Variants in PDE8B observed in about 807,000 individuals in gnomAD.
PDE8B encodes phosphodiesterase 8B, also known as high affinity cAMP-specific and IBMX-insensitive 3',5'-cyclic phosphodiesterase 8B.
Under a neutral mutation model 101.3 loss-of-function variants are expected in PDE8B, and 26 were observed. That is an observed-to-expected ratio of 0.26 (90% confidence interval 0.19 to 0.36). The LOEUF (loss-of-function observed/expected upper bound fraction) is 0.36, where lower values mean the gene tolerates loss of function less well. Ranked by LOEUF, PDE8B falls within the 10% of genes least tolerant of loss-of-function variation. The pLI, the probability that PDE8B is intolerant of heterozygous loss-of-function variation, is 1.00. For synonymous variants in PDE8B, 424 were observed against 429.3 expected, an observed-to-expected ratio of 0.99 and a Z score of 0.15; for missense variants, 810 against 1,163.1, an observed-to-expected ratio of 0.70 and a Z score of 4.42.
chr5:77,124,367 A>G, the PDE8B span, among the ~76,000 whole-genome samples: 1 of 152,068 alleles, frequency 6.6e-6, no homozygotes, highest in Non-Finnish European at 1.5e-5. Flanking sequence ...AGGCGGGTGG[A>G]TTGCTTGAGC....
At chr5:77,409,099 G>T in intron 14 of PDE8B, 42 bp downstream of exon 14, 2 of 1,568,748 alleles carry the variant, frequency 1.3e-6, no homozygotes, top group East Asian at 2.2e-5. Flanking sequence ...AGAGGTATCC[G>T]GGGCCTCTAG....
At chr5:77,404,326 T>G (rs949086025) in intron 11 of PDE8B, among the ~76,000 whole-genome samples, 2 of 151,930 alleles carry the variant, frequency 1.3e-5, no homozygotes, top group Non-Finnish European at 1.5e-5. Context: ...GGTTTCTCCA[T>G]GTTGGTCAGG....
At chr5:77,281,345 C>G (rs1764955362) in intron 1 of PDE8B, among the ~76,000 whole-genome samples, 1 of 152,228 alleles carries the variant, frequency 6.6e-6, no homozygotes, top group African/African-American at 2.4e-5. Flanking sequence ...GTTGCTGCAA[C>G]AAATTGCCGC....
At chr5:77,197,109 C>CTTTTTTTTTT in the PDE8B span, among the ~76,000 whole-genome samples, 1 of 94,668 alleles carries the variant, frequency 1.1e-5, no homozygotes, top group Non-Finnish European at 2.1e-5. Flanking sequence ...TTAAAAAAAA[C>CTTTTTTTTTT]TTTTTTTTTT....
intron 1 of PDE8B, among the ~76,000 whole-genome samples, chr5:77,277,837 G>A (rs865871089): frequency 2.0e-5 from 3 of 152,244 alleles, no homozygotes; most frequent in South Asian, 2.1e-4. Context: ...TCCATTAACC[G>A]CTAAAACTTT....
At chr5:77,221,568 C>A (rs541615066) in intron 1 of PDE8B, among the ~76,000 whole-genome samples, 1 of 152,114 alleles carries the variant, frequency 6.6e-6, no homozygotes, top group Non-Finnish European at 1.5e-5. Flanking sequence ...CTCTTATTAA[C>A]GATCATTGCT....
At chr5:77,317,419 A>G (rs1561517524) in intron 2 of PDE8B, among the ~76,000 whole-genome samples, 1 of 152,178 alleles carries the variant, frequency 6.6e-6, no homozygotes, top group African/African-American at 2.4e-5. Flanking sequence ...TTCTGAGCTC[A>G]TCAGGGGAAA....
At chr5:77,393,189 T>C (rs1214609784) in intron 10 of PDE8B, among the ~76,000 whole-genome samples, 5 of 151,614 alleles carry the variant, frequency 3.3e-5, no homozygotes, top group Non-Finnish European at 7.4e-5. Context: ...AGCTCAGGAG[T>C]TGGAGACTAG....
the PDE8B span, chr5:77,146,252 A>G: frequency 6.6e-6 from 1 of 152,188 alleles, no homozygotes; most frequent in Non-Finnish European, 1.5e-5. Flanking sequence ...TAGTAAATGT[A>G]TTTTGTGTGT....
chr5:77,168,178 A>G, the PDE8B span, among the ~76,000 whole-genome samples: 82 of 152,318 alleles, frequency 5.4e-4, no homozygotes, highest in Non-Finnish European at 1.0e-3. Flanking sequence ...GTCTATCTCC[A>G]TCCTGCCCCT....
chr5:77,189,479 T>C, the PDE8B span, among the ~76,000 whole-genome samples: 2 of 151,912 alleles, frequency 1.3e-5, no homozygotes, highest in Non-Finnish European at 2.9e-5. Flanking sequence ...CCATAGTAAA[T>C]AGCATGGTCA....
the PDE8B span, among the ~76,000 whole-genome samples, chr5:77,095,177 G>C: frequency 6.6e-6 from 1 of 150,864 alleles, no homozygotes; most frequent in South Asian, 2.1e-4. Context: ...GTTTTTTTTT[G>C]CTAAAGCTTT....
At chr5:77,092,121 C>T in the PDE8B span, among the ~76,000 whole-genome samples, 4 of 152,132 alleles carry the variant, frequency 2.6e-5, no homozygotes, top group African/African-American at 4.8e-5. Context: ...ATTTGGATTC[C>T]TGGCATTATA....
chr5:77,098,074 C>T, the PDE8B span, among the ~76,000 whole-genome samples: 1 of 151,904 alleles, frequency 6.6e-6, no homozygotes, highest in Admixed American at 6.6e-5. Flanking sequence ...TGAGGGCCGA[C>T]TGCAGGAAGC....
chr5:77,405,497 C>T (rs1793237454), intron 12 of PDE8B, among the ~76,000 whole-genome samples: 1 of 152,070 alleles, frequency 6.6e-6, no homozygotes, highest in Non-Finnish European at 1.5e-5. Context: ...CCCTGGTACT[C>T]GGGGCTATAG....
intron 1 of PDE8B, among the ~76,000 whole-genome samples, chr5:77,272,618 G>T (rs1481324343): frequency 2.6e-5 from 4 of 152,156 alleles, no homozygotes; most frequent in African/African-American, 4.8e-5. Flanking sequence ...ACCCTGGAAG[G>T]CTGTGGCTGG....
At chr5:77,180,558 C>T in the PDE8B span, 1 of 895,672 alleles carries the variant, frequency 1.1e-6, no homozygotes, top group Non-Finnish European at 1.3e-6. Flanking sequence ...GCCGCTGGCA[C>T]AAGCCCAGAG....
chr5:77,376,304 G>A (rs746886774), intron 10 of PDE8B, among the ~76,000 whole-genome samples: 1 of 152,102 alleles, frequency 6.6e-6, no homozygotes, highest in African/African-American at 2.4e-5. Context: ...TTAACTGCTC[G>A]ACCGCATGGC....
chr5:77,331,405 G>A lies in PDE8B; in HGVS notation c.654G>A (p.Ser218=), dbSNP rs150153853. ...TVILAVVSRV[S]DDHEEASVLP... is the part of the protein sequence containing the mutation. ...CACATTTTCTGCTTTGCTGCAGATC[G>A]GATGACCATGAAGAGGCGTCAGTCC... Residue 218 remains serine, a synonymous_variant, in exon 5 of 22, where the codon TCG becomes TCA. Transcript: ENST00000264917. 354 of 1,613,634 alleles carry A rather than the reference G, an allele frequency of 2.2e-4. No homozygotes were observed. The highest frequency in any genetic ancestry group is 2.7e-4 in the Non-Finnish European group (324 of 1,179,644).
Sources: allele counts gnomAD v4.1 joint callset (sites outside exome capture counted in the v4.1 genomes callset), GRCh38; gene constraint gnomAD v4.1.1; transcripts MANE v1.5; gene names NCBI Gene and HGNC (gene_info 2026-07-23, HGNC 2026-07-21).